The following EMC2 variants were observed in gnomAD, a reference collection of about 807,000 sequenced individuals.
EMC2 encodes the protein ER membrane protein complex subunit 2.
Under a neutral mutation model 51.6 loss-of-function variants are expected in EMC2, and 37 were observed. The ratio of observed to expected loss-of-function variants is 0.72; its 90% CI spans 0.55 to 0.94. The LOEUF (loss-of-function observed/expected upper bound fraction) is 0.94. Ranked by LOEUF, EMC2 falls within the 40% of genes least tolerant of loss-of-function variation. The pLI, the probability that EMC2 is intolerant of heterozygous loss-of-function variation, is 0.00. For synonymous variants in EMC2, 131 were observed against 112.4 expected (o/e 1.17, Z -1.04); for missense variants, 359 against 350.9 (o/e 1.02, Z -0.18).
intron 4 of EMC2, among the ~76,000 whole-genome samples, chr8:108,453,978 C>T (rs1317166050): frequency 2.0e-5 from 3 of 152,022 alleles, no homozygotes; most frequent in Admixed American, 6.5e-5. Flanking sequence ...CTGTCTTTAT[C>T]CCTACTGATT....
At chr8:108,445,992 A>G (rs1461101541) in intron 1 of EMC2, among the ~76,000 whole-genome samples, 1 of 152,100 alleles carries the variant, frequency 6.6e-6, no homozygotes, top group Non-Finnish European at 1.5e-5. Flanking sequence ...ACCCTTTCCA[A>G]AAGCTCCTCC....
At chr8:108,472,982 G>A (rs1248394217) in intron 7 of EMC2, among the ~76,000 whole-genome samples, 1 of 151,768 alleles carries the variant, frequency 6.6e-6, no homozygotes, top group East Asian at 1.9e-4. Context: ...TTGTGTAGCT[G>A]GCACTACAGG....
At chr8:108,476,676 C>T in intron 8 of EMC2, 106 bp from the exon 9 acceptor site, 1 of 559,310 alleles carries the variant, frequency 1.8e-6, no homozygotes, top group Non-Finnish European at 3.2e-6. Context: ...TATTTGTTTA[C>T]AGAGAATATC....
chr8:108,467,380 G>A (rs1348560734), intron 5 of EMC2, among the ~76,000 whole-genome samples: 1 of 150,268 alleles, frequency 6.7e-6, no homozygotes, highest in Non-Finnish European at 1.5e-5. Flanking sequence ...ACCGAGTCTC[G>A]CTCTGTCGCC....
chr8:108,467,570 CTATT>C (rs1810755797), intron 5 of EMC2, among the ~76,000 whole-genome samples: 1 of 151,884 alleles, frequency 6.6e-6, no homozygotes, highest in Non-Finnish European at 1.5e-5. Flanking sequence ...TTAAAAATGT[CTATT>C]TATTTTTATT....
chr8:108,486,025 TTAAA>T (rs1219679505), intron 10 of EMC2, among the ~76,000 whole-genome samples: 1 of 151,856 alleles, frequency 6.6e-6, no homozygotes, highest in Non-Finnish European at 1.5e-5. Flanking sequence ...ATGAGCTACT[TTAAA>T]TAATTTTAGA....
intron 5 of EMC2, among the ~76,000 whole-genome samples, chr8:108,467,538 T>C (rs1413633018): frequency 1.3e-5 from 2 of 152,158 alleles, no homozygotes; most frequent in Non-Finnish European, 2.9e-5. Context: ...ATTTGTGGCA[T>C]TTGTATGCAA....
chr8:108,486,278 A>G (rs1811136029), intron 10 of EMC2, among the ~76,000 whole-genome samples: 1 of 151,924 alleles, frequency 6.6e-6, no homozygotes, highest in Non-Finnish European at 1.5e-5. Flanking sequence ...AAACACTTAA[A>G]CTGGCCAAGT....
intron 10 of EMC2, among the ~76,000 whole-genome samples, chr8:108,480,070 C>T (rs532626644): frequency 6.6e-6 from 1 of 152,132 alleles, no homozygotes; most frequent in African/African-American, 2.4e-5. Context: ...GTCAGTTTTC[C>T]CAAATACACA....
intron 10 of EMC2, among the ~76,000 whole-genome samples, chr8:108,479,774 T>C (rs1233517675): frequency 1.3e-5 from 2 of 152,178 alleles, no homozygotes; most frequent in African/African-American, 4.8e-5. Context: ...TTGTTTTGTT[T>C]TTAATATAGA....
intron 5 of EMC2, among the ~76,000 whole-genome samples, chr8:108,466,955 A>C (rs1209396653): frequency 6.6e-6 from 1 of 152,104 alleles, no homozygotes; most frequent in Non-Finnish European, 1.5e-5. Context: ...CTGAGTATTA[A>C]GTGTCCAGAG....
chr8:108,444,618 A>G (rs1214448594), intron 1 of EMC2, among the ~76,000 whole-genome samples: 1 of 152,118 alleles, frequency 6.6e-6, no homozygotes. Flanking sequence ...CGAAAGTTGT[A>G]TTTTCTGTTT....
intron 10 of EMC2, among the ~76,000 whole-genome samples, chr8:108,481,306 T>C (rs1489686787): frequency 2.6e-5 from 4 of 152,120 alleles, no homozygotes; most frequent in East Asian, 1.9e-4. Flanking sequence ...TTGTCTGTTA[T>C]AGAGCATGTT....
chr8:108,464,734 G>A (rs138426766), intron 5 of EMC2, among the ~76,000 whole-genome samples: 1 of 152,332 alleles, frequency 6.6e-6, no homozygotes, highest in African/African-American at 2.4e-5. Flanking sequence ...TTTGAGCTCA[G>A]CATCTCTGGT....
At chr8:108,462,227 G>C (rs1163305327) in intron 5 of EMC2, among the ~76,000 whole-genome samples, 1 of 152,012 alleles carries the variant, frequency 6.6e-6, no homozygotes, top group Non-Finnish European at 1.5e-5. Context: ...GTGCGTGTGT[G>C]TGTATTCCTC....
intron 10 of EMC2, among the ~76,000 whole-genome samples, chr8:108,480,433 A>G (rs1040835317): frequency 2.0e-5 from 3 of 152,080 alleles, no homozygotes; most frequent in Non-Finnish European, 4.4e-5. Context: ...GCTAAAGAGA[A>G]TTCAAATATG....
intron 4 of EMC2, among the ~76,000 whole-genome samples, chr8:108,454,031 C>T (rs2130346125): frequency 6.6e-6 from 1 of 152,162 alleles, no homozygotes; most frequent in East Asian, 1.9e-4. Context: ...TAATAGAGCT[C>T]CTGAGCTTTC....
At position 108,486,530 on chromosome 8, in the gene EMC2, A is replaced by G; in HGVS notation, c.826A>G (p.Lys276Glu). 1 of 1,589,480 alleles carries G rather than the reference A, an allele frequency of 6.3e-7. No homozygotes were observed. Among genetic ancestry groups the G allele is most frequent in the Non-Finnish European group, 8.6e-7 (1 of 1,169,530 alleles). Reference sequence around the variant, plus strand: ...TAATTAGTTTGCAGGTCGAAGTAAGAAGGAAACCAAATATTCTCTTAAGGC... The same window carrying G: ...TAATTAGTTTGCAGGTCGAAGTAAGGAGGAAACCAAATATTCTCTTAAGGC... The part of the protein sequence containing the change: ...RAYQFAGRSK[K>E]ETKYSLKAVE... The change falls in exon 11 of 11, where the codon AAG (lysine) becomes GAG (glutamate). Residue 276 changes from lysine to glutamate, a missense_variant. Coordinates refer to ENST00000220853, the MANE Select transcript of EMC2 (RefSeq NM_014673.5).
rs1211087386 is a variant in EMC2, at chr8:108,449,915, G to A, written c.133G>A (p.Ala45Thr). The change falls in exon 2 of 11, where the codon GCT becomes ACT. Residue 45 changes from alanine to threonine, a missense_variant. Physicochemically the swap from Ala to Thr is moderately conservative, Grantham distance 58. Coordinates refer to ENST00000220853, the MANE Select transcript of EMC2 (RefSeq NM_014673.5). ...EVGEELINEY[A>T]SKLGDDIWII... ...TGGAGAAGAATTAATTAATGAATATGCTTCTAAGCTGGGAGATGATAGTAA... is the reference window on the plus strand; with the variant it reads ...TGGAGAAGAATTAATTAATGAATATACTTCTAAGCTGGGAGATGATAGTAA... 4.5e-6 allele frequency: 7 copies of A among 1,559,510 alleles called. No homozygotes were observed. The highest frequency in any genetic ancestry group is 1.7e-4 in the Middle Eastern group (1 of 5,920).
Sources: gnomAD v4.1 joint callset for allele counts (sites outside exome capture counted in the v4.1 genomes callset) on GRCh38, gnomAD v4.1.1 for gene constraint, MANE v1.5 for transcripts, NCBI Gene and HGNC (gene_info 2026-07-23, HGNC 2026-07-21) for gene names.